The following SNRNP200 variants were observed in gnomAD, a reference collection of about 807,000 sequenced individuals.
SNRNP200 encodes small nuclear ribonucleoprotein U5 subunit 200.
Under a neutral mutation model 255.2 loss-of-function variants are expected in SNRNP200, and 66 were observed. The observed-to-expected ratio is 0.26, with a 90% CI of 0.21 to 0.32. The LOEUF (loss-of-function observed/expected upper bound fraction) is 0.32. Ranked by LOEUF, SNRNP200 falls within the 10% of genes least tolerant of loss-of-function variation. The probability of loss-of-function intolerance (pLI) is 1.00; values close to 1 mark genes in which losing one functional copy is unlikely to be tolerated. For synonymous variants in SNRNP200, 939 were observed against 1,027.8 expected, an observed-to-expected ratio of 0.91 and a Z score of 1.65; for missense variants, 1,585 against 2,749.8, an observed-to-expected ratio of 0.58 and a Z score of 9.47.
In SNRNP200 at chr2:96,283,793, A is replaced by G; in HGVS notation, c.4584+20T>C. The G allele has an allele frequency of 6.2e-7, 1 of 1,613,810 alleles. No individual in the cohort carries two copies. Among genetic ancestry groups the G allele is most frequent in the East Asian group, 2.2e-5 (1 of 44,878 alleles). ...GATCTATGTGACACCCCACAGACGG[A>G]TGAGGAGAGTGGGTCCTACCTGGAT... On this transcript the variant is annotated intron_variant, in intron 32 of 44. Coordinates refer to ENST00000323853, the MANE Select transcript of SNRNP200 (RefSeq NM_014014.5). This position sits in a 1 kb window ranked among gnomAD's most constrained non-coding sequence, Gnocchi z 4.7.
chr2:96,282,007 A>G, intron 34 of SNRNP200, 85 bp from the exon 35 acceptor site: 1 of 999,508 alleles, frequency 1.0e-6, no homozygotes, highest in Non-Finnish European at 1.6e-6. Flanking sequence ...GCCGTGGCTT[A>G]CCCTGTGCTA....
In SNRNP200 at chr2:96,278,743, A is replaced by C. The variant is rs552241837; in HGVS notation, c.5324-32T>G. On this transcript the variant is annotated intron_variant, in intron 37 of 44. Coordinates refer to ENST00000323853, the MANE Select transcript of SNRNP200 (RefSeq NM_014014.5). This position sits in a 1 kb window ranked among gnomAD's most constrained non-coding sequence, Gnocchi z 6.9. The stretch of plus-strand genomic sequence containing the variant: ...AGGCGAGAGGTGAGTGGGGAGCCTC[A>C]AGAAGATGCCCAGCAAAGACTGTGA... 2 of 1,614,200 alleles carry C rather than the reference A, an allele frequency of 1.2e-6. No individual in the cohort carries two copies. The highest frequency in any genetic ancestry group is 4.5e-5 in the East Asian group (2 of 44,886).
rs1684626710 is a variant in SNRNP200, at chr2:96,274,819, A to G, written c.*193T>C. On this transcript the variant is annotated 3_prime_UTR_variant, in exon 45 of 45. Transcript: ENST00000323853. ...AAATGCTATATATGATTTATGCTTGACCCATGACACCTGCTGTCACTGGAT... is the reference window on the plus strand; with the variant it reads ...AAATGCTATATATGATTTATGCTTGGCCCATGACACCTGCTGTCACTGGAT... 4.8e-5 allele frequency: 32 copies of G among 660,516 alleles called. 1 individual carries two copies. In the South Asian group the frequency reaches 5.0e-4, roughly 10 times the overall value. The allele number at this position is 660,516 out of a possible 1,614,324, so 40.9% of individuals were successfully genotyped here.
At chr2:96,300,973 T>A in intron 5 of SNRNP200, 25 bp downstream of exon 5, 1 of 1,605,228 alleles carries the variant, frequency 6.2e-7, no homozygotes, top group Non-Finnish European at 8.5e-7. Context: ...AAAACAAGAA[T>A]GGACTGGGTA....
Position 96,287,266 on chromosome 2 carries a change from T to C in SNRNP200, c.3485-106A>G. 1.4e-6 allele frequency: 2 copies of C among 1,438,030 alleles called. No homozygotes were observed. Among genetic ancestry groups the C allele is most frequent in the Non-Finnish European group, 2.0e-6 (2 of 1,021,114 alleles). The allele number at this position is 1,438,030 out of a possible 1,614,324, so 89.1% of individuals were successfully genotyped here. On this transcript the variant is annotated intron_variant, in intron 26 of 44. Transcript: ENST00000323853. This position sits in a 1 kb window ranked among gnomAD's most constrained non-coding sequence, Gnocchi z 5.7. Reference sequence around the variant, plus strand: ...AAGGGGTAGGGTCTTCCCTTTATGGTCAGTGGAGCCCAGGATTCCAAGTCC... The same window carrying C: ...AAGGGGTAGGGTCTTCCCTTTATGGCCAGTGGAGCCCAGGATTCCAAGTCC...
chr2:96,275,927 T>A (rs1684647855), intron 43 of SNRNP200, among the ~76,000 whole-genome samples: 1 of 152,130 alleles, frequency 6.6e-6, no homozygotes, highest in African/African-American at 2.4e-5. Context: ...GATGGCGTGA[T>A]TCCGGGAGGC....
At position 96,278,898 on chromosome 2, in the gene SNRNP200, A is replaced by G. The variant is rs777813072; in HGVS notation, c.5234T>C (p.Ile1745Thr). 1.6e-5 allele frequency: 26 copies of G among 1,614,104 alleles called. No individual in the cohort carries two copies. In the East Asian group the frequency reaches 1.8e-4, roughly 11 times the overall value. The change falls in exon 37 of 45, where the codon ATT becomes ACT. Residue 1745 changes from isoleucine to threonine, a missense_variant. By Grantham distance (89) the Ile-to-Thr change is moderately conservative. This residue lies in a region of SNRNP200 where 279 missense variants were observed against 551.2 expected (regional missense o/e 0.51). Coordinates refer to ENST00000323853, the MANE Select transcript of SNRNP200 (RefSeq NM_014014.5). This position sits in a 1 kb window ranked among gnomAD's most constrained non-coding sequence, Gnocchi z 6.9. ...GTCCACAGCATCCTGCTTGTTCTCA[A>G]TGGTCTTGGTGACGATCTCAGCATT... ...HFNAEIVTKT[I>T]ENKQDAVDYL...
At chr2:96,305,191 ACTC>A (rs2063979880) in intron 1 of SNRNP200, among the ~76,000 whole-genome samples, 199 bp downstream of exon 1, 1 of 151,522 alleles carries the variant, frequency 6.6e-6, no homozygotes, top group East Asian at 1.9e-4. Flanking sequence ...TACTCGAGAA[ACTC>A]CTCCTAGAGA....
Position 96,301,695 on chromosome 2 carries a change from C to T in SNRNP200, c.403G>A (p.Ala135Thr). The T allele has an allele frequency of 6.2e-7, 1 of 1,614,158 alleles. No individual in the cohort carries two copies. The highest frequency in any genetic ancestry group is 1.1e-5 in the South Asian group (1 of 91,084). Reference sequence around the variant, plus strand: ...AGAACAGCTAGAACTTCATCAGCTGCCCCACAAAGGATATCACGTGGCTGG... The same window carrying T: ...AGAACAGCTAGAACTTCATCAGCTGTCCCACAAAGGATATCACGTGGCTGG... ...GDQPRDILCG[A>T]ADEVLAVLKN... is the part of the protein sequence containing the mutation. Residue 135 changes from alanine (A) to threonine (T), a missense_variant, in exon 4 of 45, where the codon GCA becomes ACA. Coordinates refer to ENST00000323853, the MANE Select transcript of SNRNP200 (RefSeq NM_014014.5).
chr2:96,276,082 G>A (rs62153036), intron 43 of SNRNP200, among the ~76,000 whole-genome samples: 18,914 of 152,274 alleles, frequency 0.12, 1,630 homozygotes, highest in South Asian at 0.4. Flanking sequence ...CCCTGTCTAC[G>A]GGCTGCCCCG....
chr2:96,288,038 C>T (rs1249972438), intron 24 of SNRNP200, 69 bp from the exon 25 acceptor site: 12 of 1,412,272 alleles, frequency 8.5e-6, no homozygotes, highest in Middle Eastern at 1.8e-4. Context: ...CCACTCTACA[C>T]ACGGTTTCAT....
chr2:96,296,756 T>A lies in SNRNP200; in HGVS notation c.1516-65A>T, dbSNP rs761544442. On this transcript the variant is annotated intron_variant, in intron 12 of 44. Transcript: ENST00000323853. ...GTTATTCTCACTGCCCTAACTTCCA[T>A]GGGCTTATTTCCCAAATAGAGAATA... 1.3e-4 allele frequency: 211 copies of A among 1,583,092 alleles called. 1 individual carries two copies. Among genetic ancestry groups the A allele is most frequent in the Middle Eastern group, 1.2e-3 (7 of 5,986 alleles).
intron 36 of SNRNP200, 183 bp from the exon 37 acceptor site, chr2:96,279,181 A>T: frequency 1.5e-6 from 1 of 668,648 alleles, no homozygotes; most frequent in Non-Finnish European, 2.7e-6. Context: ...GAGGTACAGC[A>T]AGTCACGAGG....
At chr2:96,301,196 TGAGA>T in intron 4 of SNRNP200, 143 bp from the exon 5 acceptor site, 1 of 774,164 alleles carries the variant, frequency 1.3e-6, no homozygotes, top group Non-Finnish European at 2.3e-6. Flanking sequence ...ATGATCAACA[TGAGA>T]GAGCCACCTA....
Position 96,286,467 on chromosome 2 carries a change from G to C in SNRNP200, c.3847C>G (p.Pro1283Ala). The change falls in exon 29 of 45, where the codon CCT becomes GCT. Residue 1283 changes from proline (P) to alanine (A), a missense_variant. Pro to Ala is a conservative substitution (Grantham distance 27, BLOSUM62 -1). Coordinates refer to ENST00000323853, the MANE Select transcript of SNRNP200 (RefSeq NM_014014.5). The surrounding 1 kb of genome is among the most constrained non-coding windows in gnomAD (Gnocchi z 4.8). ...DRWLSCETQLPVSFRHLILPE... is the reference protein window; with the variant it reads ...DRWLSCETQLAVSFRHLILPE... The stretch of plus-strand genomic sequence containing the variant: ...AAGATCAGGTGCCGGAAGGAGACAG[G>C]CAGCTGGGTCTCACAAGCTGCCAGA... 6.2e-7 allele frequency: 1 copy of C among 1,614,140 alleles called. No homozygotes were observed. Among genetic ancestry groups the C allele is most frequent in the Non-Finnish European group, 8.5e-7 (1 of 1,180,032 alleles).
In SNRNP200 at chr2:96,304,648, G is replaced by A. The variant is rs2063975452; in HGVS notation, c.209+57C>T. 3 of 1,607,952 alleles carry A rather than the reference G, an allele frequency of 1.9e-6. No homozygotes were observed. The Admixed American group carries it at 5.0e-5, about 27-fold the overall frequency. The stretch of plus-strand genomic sequence containing the variant: ...ATTCCAGCAAAAATGCTGCTCGAAT[G>A]TTAAAGGGAAGAGACTTTGGATCTG... On this transcript the variant is annotated intron_variant, in intron 2 of 44. Transcript: ENST00000323853.
chr2:96,305,449 C>T lies in SNRNP200; in HGVS notation c.-12G>A, dbSNP rs1187396611. 2.5e-6 allele frequency: 4 copies of T among 1,614,050 alleles called. No individual in the cohort carries two copies. In the African/African-American group the frequency reaches 4.0e-5, roughly 16 times the overall value. On this transcript the variant is annotated 5_prime_UTR_variant, in exon 1 of 45. Coordinates refer to ENST00000323853, the MANE Select transcript of SNRNP200 (RefSeq NM_014014.5). The stretch of plus-strand genomic sequence containing the variant: ...GTTACATCCGCCATGGCCGCGGCTG[C>T]TCGGAGGCTTCAGACCACCACGCCT...
At chr2:96,301,185 G>T in intron 4 of SNRNP200, 132 bp from the exon 5 acceptor site, 2 of 807,486 alleles carry the variant, frequency 2.5e-6, no homozygotes, top group South Asian at 1.4e-5. Flanking sequence ...CAGATACTTA[G>T]ATGATCAACA....
In SNRNP200 at chr2:96,276,969, C is replaced by T; in HGVS notation, c.6109G>A (p.Val2037Met). 6.2e-7 allele frequency: 1 copy of T among 1,613,960 alleles called. No individual in the cohort carries two copies. Among genetic ancestry groups the T allele is most frequent in the Non-Finnish European group, 8.5e-7 (1 of 1,180,026 alleles). ...DSIRSGGPVV[V>M]LVQLEREEEV... The stretch of plus-strand genomic sequence containing the variant: ...TCCTCTCGCTCCAGCTGCACCAGCA[C>T]CACAACTGGCCCGCCACTGCAGGGG... The change falls in exon 43 of 45, where the codon GTG (valine) becomes ATG (methionine). Residue 2037 changes from valine (V) to methionine (M), a missense_variant. Around this residue, in one of 9 missense-constraint regions of SNRNP200, gnomAD observed 279 missense variants for 551.2 expected, o/e 0.51. Transcript: ENST00000323853.
Sources: allele counts gnomAD v4.1 joint callset (sites outside exome capture counted in the v4.1 genomes callset), GRCh38; gene constraint gnomAD v4.1.1; regional missense constraint gnomAD v4.1.1; non-coding constraint Gnocchi (gnomAD v3.1); transcripts MANE v1.5; gene names NCBI Gene and HGNC (gene_info 2026-07-23, HGNC 2026-07-21).